The following DIP2A variants were observed in gnomAD, a reference collection of about 807,000 sequenced individuals.
DIP2A encodes disco-interacting protein 2 homolog A.
A neutral mutation model predicts 177.4 loss-of-function variants in DIP2A; 85 were observed. The ratio of observed to expected loss-of-function variants is 0.48; its 90% CI spans 0.40 to 0.57. The LOEUF (loss-of-function observed/expected upper bound fraction) is 0.57. Ranked by LOEUF, DIP2A falls within the 20% of genes least tolerant of loss-of-function variation. The probability of loss-of-function intolerance (pLI) is 0.00; values close to 1 mark genes in which losing one functional copy is unlikely to be tolerated. For synonymous variants in DIP2A, 886 were observed against 881.8 expected, an observed-to-expected ratio of 1.00 and a Z score of -0.08; for missense variants, 1,791 against 2,100.2, an observed-to-expected ratio of 0.85 and a Z score of 2.88.
intron 16 of DIP2A, 113 bp downstream of exon 16, chr21:46,538,715 G>C: frequency 1.4e-6 from 2 of 1,403,088 alleles, no homozygotes; most frequent in Non-Finnish European, 1.9e-6. Context: ...TTGTCATATA[G>C]ATACACATGT....
rs1601733032 is a variant in DIP2A at position 46,537,452 on chromosome 21, A to T, written c.1714A>T (p.Met572Leu). 6.2e-7 allele frequency: 1 copy of T among 1,614,166 alleles called. No individual in the cohort carries two copies. The highest frequency in any genetic ancestry group is 8.5e-7 in the Non-Finnish European group (1 of 1,180,016). Residue 572 changes from methionine to leucine, a missense_variant, in exon 15 of 38, where the codon ATG (methionine) becomes TTG (leucine). By Grantham distance (15) the Met-to-Leu change is conservative (BLOSUM62 2). Coordinates refer to ENST00000417564, the MANE Select transcript of DIP2A (RefSeq NM_015151.4). The surrounding 1 kb of genome is among the most constrained non-coding windows in gnomAD (Gnocchi z 4.1). ...CATGTGTGCTCCCCCACAGAGCGTC[A>T]TGAACAGGATGCACGTGGTCAGCGT... ...GLWHGVLTSVMNRMHVVSVPY... is the reference protein window; with the variant it reads ...GLWHGVLTSVLNRMHVVSVPY...
chr21:46,492,805 A>G (rs2057092442), intron 3 of DIP2A, among the ~76,000 whole-genome samples: 1 of 152,138 alleles, frequency 6.6e-6, no homozygotes, highest in African/African-American at 2.4e-5. Context: ...GTCAGGTGTG[A>G]TGACACATGC....
intron 1 of DIP2A, among the ~76,000 whole-genome samples, chr21:46,478,439 G>C (rs111265675): frequency 2.1e-4 from 32 of 151,712 alleles, no homozygotes; most frequent in African/African-American, 7.7e-4. Flanking sequence ...CTCGAACTCC[G>C]GACCTCAGGT....
intron 16 of DIP2A, chr21:46,538,840 C>CCTG: frequency 1.9e-6 from 1 of 522,472 alleles, no homozygotes; most frequent in South Asian, 2.4e-5. Flanking sequence ...AGGTACATGC[C>CCTG]TTAATGAGAG....
chr21:46,485,084 A>G (rs1032317205), intron 2 of DIP2A, among the ~76,000 whole-genome samples: 1 of 152,210 alleles, frequency 6.6e-6, no homozygotes, highest in African/African-American at 2.4e-5. Context: ...CAGATCTCAG[A>G]TCTCATTCCC....
downstream of DIP2A, among the ~76,000 whole-genome samples, chr21:46,571,782 GA>G (rs2060970397): frequency 6.6e-6 from 1 of 152,212 alleles, no homozygotes; most frequent in African/African-American, 2.4e-5. Flanking sequence ...TTGCTTATCA[GA>G]GTAAGGAGAT....
chr21:46,480,509 C>CT (rs2056272645), intron 1 of DIP2A, among the ~76,000 whole-genome samples: 2 of 152,300 alleles, frequency 1.3e-5, no homozygotes, highest in South Asian at 2.1e-4. Flanking sequence ...TCCTCCTGCT[C>CT]TGTGTCGGCA....
rs565668220 is a variant in DIP2A, at chr21:46,512,134, C to T, written c.1102+520C>T. 5.3e-5 allele frequency among the ~76,000 whole-genome samples: 8 copies of T among 152,244 alleles called. No homozygotes were observed. In the South Asian group the frequency reaches 1.7e-3, roughly 32 times the overall value. ...ACTGTTGGCTTTACCTGCCTTTAAA[C>T]AAGTGTTCTTTTAGTTTATTCTCAT... On this transcript the variant is annotated intron_variant, in intron 8 of 37. Transcript: ENST00000417564.
intron 1 of DIP2A, among the ~76,000 whole-genome samples, chr21:46,468,693 G>C (rs184321396): frequency 5.1e-4 from 78 of 152,302 alleles, no homozygotes; most frequent in Non-Finnish European, 2.2e-4. Context: ...TAGAGCTCAT[G>C]TTAAATGTTC....
downstream of DIP2A, among the ~76,000 whole-genome samples, chr21:46,574,129 T>A (rs574119700): frequency 7.9e-5 from 12 of 152,128 alleles, no homozygotes; most frequent in East Asian, 1.9e-4. Flanking sequence ...CTCAATAGAT[T>A]TAAAAATATA....
intron 6 of DIP2A, 70 bp from the exon 7 acceptor site, chr21:46,509,187 G>A (rs1261757807): frequency 6.6e-7 from 1 of 1,507,486 alleles, no homozygotes; most frequent in Non-Finnish European, 8.9e-7. Context: ...TTTGTCCTTG[G>A]ACCTTACACC....
At chr21:46,560,652 G>A (rs2060632578) in intron 32 of DIP2A, 70 bp from the exon 33 acceptor site, 2 of 1,549,450 alleles carry the variant, frequency 1.3e-6, no homozygotes, top group Non-Finnish European at 1.7e-6. Context: ...CTGCCATGCA[G>A]CTGTACCTGT....
chr21:46,540,121 G>T (rs1329594512), intron 17 of DIP2A, 130 bp downstream of exon 17: 2 of 716,740 alleles, frequency 2.8e-6, no homozygotes, highest in East Asian at 2.7e-5. Context: ...TTGGTGCCTG[G>T]CCCCCCACAT....
intron 2 of DIP2A, among the ~76,000 whole-genome samples, 186 bp downstream of exon 2, chr21:46,485,014 T>C (rs2064458479): frequency 6.6e-6 from 1 of 152,218 alleles, no homozygotes; most frequent in Non-Finnish European, 1.5e-5. Context: ...AAAATATGCC[T>C]CTAATATTAA....
chr21:46,517,006 T>C (rs2058611590), intron 8 of DIP2A, among the ~76,000 whole-genome samples: 1 of 150,902 alleles, frequency 6.6e-6, no homozygotes. Context: ...CTAACACCAA[T>C]ATCTGTATCA....
intron 9 of DIP2A, among the ~76,000 whole-genome samples, chr21:46,531,456 A>G: frequency 6.6e-6 from 1 of 152,242 alleles, no homozygotes; most frequent in Admixed American, 6.5e-5. Context: ...CAGTTTAAGA[A>G]TAATACTTTA....
rs1356725267 is a variant in DIP2A, at chr21:46,537,932, C to T, written c.1801+393C>T. Among the ~76,000 whole-genome samples the T allele has an allele frequency of 6.6e-6, 1 of 152,196 alleles. No homozygotes were observed. The highest frequency in any genetic ancestry group is 1.5e-5 in the Non-Finnish European group (1 of 68,032). ...GAGGCACTGGATCACCTGGGTCACC[C>T]ATGTTGCCTTGTTCTACCTACTGGG... On this transcript the variant is annotated intron_variant, in intron 15 of 37. Transcript: ENST00000417564. This position sits in a 1 kb window ranked among gnomAD's most constrained non-coding sequence, Gnocchi z 4.1.
chr21:46,565,052 G>T (rs970491718), intron 35 of DIP2A, among the ~76,000 whole-genome samples: 19 of 152,208 alleles, frequency 1.2e-4, no homozygotes, highest in African/African-American at 4.6e-4. Context: ...AGAGCCAGTC[G>T]AACTGACCGT....
intron 3 of DIP2A, among the ~76,000 whole-genome samples, chr21:46,492,351 C>T (rs1006517280): frequency 6.6e-6 from 1 of 152,126 alleles, no homozygotes; most frequent in African/African-American, 2.4e-5. Flanking sequence ...TTGATCTATT[C>T]GTCTGTCTTT....
Sources: allele counts gnomAD v4.1 joint callset (sites outside exome capture counted in the v4.1 genomes callset), GRCh38; gene constraint gnomAD v4.1.1; non-coding constraint Gnocchi (gnomAD v3.1); transcripts MANE v1.5; gene names NCBI Gene and HGNC (gene_info 2026-07-23, HGNC 2026-07-21).